Variants in TFCP2L1 observed in about 807,000 individuals in gnomAD.
The protein encoded by TFCP2L1 is transcription factor CP2-like protein 1.
TFCP2L1 carries 12 observed loss-of-function variants against 72.2 expected under a neutral mutation model. The ratio of observed to expected loss-of-function variants is 0.17; its 90% CI spans 0.11 to 0.27. The LOEUF (loss-of-function observed/expected upper bound fraction) is 0.27. Among genes scored for constraint, TFCP2L1 ranks in the 10% least tolerant of loss-of-function variants. The pLI, the probability that TFCP2L1 is intolerant of heterozygous loss-of-function variation, is 1.00. For missense variants in TFCP2L1, 488 were observed against 624.6 expected, an observed-to-expected ratio of 0.78 and a Z score of 2.33; for synonymous variants, 260 against 251.0, an observed-to-expected ratio of 1.04 and a Z score of -0.34.
chr2:121,246,531 G>C (rs375686000), intron 6 of TFCP2L1, among the ~76,000 whole-genome samples: 1 of 152,174 alleles, frequency 6.6e-6, no homozygotes, highest in Non-Finnish European at 1.5e-5. Context: ...CATTCTTATA[G>C]AGTAGCGCCG....
At chr2:121,246,208 G>A (rs1013894816) in intron 6 of TFCP2L1, among the ~76,000 whole-genome samples, 3 of 152,236 alleles carry the variant, frequency 2.0e-5, no homozygotes, top group Non-Finnish European at 4.4e-5. Context: ...GGCCACACAG[G>A]ACACTGAGCT....
chr2:121,248,366 C>T, intron 4 of TFCP2L1, 96 bp from the exon 5 acceptor site: 1 of 944,646 alleles, frequency 1.1e-6, no homozygotes, highest in South Asian at 1.8e-5. Flanking sequence ...TCCTTCGCCC[C>T]AATTTGCAAT....
intron 12 of TFCP2L1, among the ~76,000 whole-genome samples, chr2:121,232,842 G>T (rs1686172639): frequency 6.6e-6 from 1 of 152,076 alleles, no homozygotes. Flanking sequence ...CTGACACAGA[G>T]ACGGCCTGCA....
chr2:121,250,233 T>C (rs1337111929), intron 2 of TFCP2L1, among the ~76,000 whole-genome samples: 1 of 152,004 alleles, frequency 6.6e-6, no homozygotes, highest in Non-Finnish European at 1.5e-5. Context: ...CATCCATCCA[T>C]AACAACAGAA....
intron 2 of TFCP2L1, among the ~76,000 whole-genome samples, chr2:121,257,430 G>T (rs1035717182): frequency 6.6e-6 from 1 of 152,200 alleles, no homozygotes; most frequent in Admixed American, 6.5e-5. Flanking sequence ...ACACAAACGG[G>T]TGTGGAAACT....
intron 2 of TFCP2L1, among the ~76,000 whole-genome samples, chr2:121,255,232 G>A (rs1037153285): frequency 2.0e-5 from 3 of 152,190 alleles, no homozygotes; most frequent in South Asian, 2.1e-4. Flanking sequence ...AAAGTGTGCC[G>A]AATGTTGTAC....
At chr2:121,251,793 A>G (rs898913506) in intron 2 of TFCP2L1, among the ~76,000 whole-genome samples, 1 of 152,220 alleles carries the variant, frequency 6.6e-6, no homozygotes, top group South Asian at 2.1e-4. Flanking sequence ...GATAAATACA[A>G]TTCTCATTAG....
At chr2:121,245,597 C>T (rs950984910) in intron 6 of TFCP2L1, among the ~76,000 whole-genome samples, 1 of 152,210 alleles carries the variant, frequency 6.6e-6, no homozygotes, top group East Asian at 1.9e-4. Flanking sequence ...GGCCTCAGAA[C>T]CCTGTGCCCA....
chr2:121,240,362 G>A, intron 7 of TFCP2L1: 7 of 985,398 alleles, frequency 7.1e-6, no homozygotes, highest in Non-Finnish European at 8.4e-6. Flanking sequence ...AGTCTATCCA[G>A]CTGAAAAAGT....
intron 11 of TFCP2L1, among the ~76,000 whole-genome samples, chr2:121,234,768 C>T (rs950730618): frequency 1.3e-5 from 2 of 152,250 alleles, no homozygotes; most frequent in Non-Finnish European, 2.9e-5. Context: ...GGCTGCAGAA[C>T]GTCTCTGCCA....
At chr2:121,263,141 A>G (rs1015629247) in intron 2 of TFCP2L1, among the ~76,000 whole-genome samples, 4 of 152,100 alleles carry the variant, frequency 2.6e-5, no homozygotes, top group African/African-American at 9.7e-5. Context: ...CTCCACGTTG[A>G]TCAGGCTGGT....
rs1687344936 is a variant in TFCP2L1 at position 121,285,188 on chromosome 2, T to C, written c.-79A>G. ...GCGCGCCGAGGACCCAGCGGCGGCT[T>C]CGCGCTCCGAACCCGCGGTGCCGGC... is the stretch of plus-strand genomic sequence containing the variant. On this transcript the variant is annotated 5_prime_UTR_variant, in exon 1 of 15. Transcript: ENST00000263707. 1.6e-6 allele frequency: 2 copies of C among 1,267,692 alleles called. No homozygotes were observed. The highest frequency in any genetic ancestry group is 4.1e-5 in the Admixed American group (1 of 24,288). 78.5% of individuals were successfully genotyped at this position (1,267,692 alleles called of 1,614,324 possible). A position where few individuals can be genotyped will look rare whatever the true frequency, so the allele number is the denominator to read the frequency against.
At chr2:121,245,376 T>A (rs1243460155) in intron 6 of TFCP2L1, among the ~76,000 whole-genome samples, 2 of 152,152 alleles carry the variant, frequency 1.3e-5, no homozygotes, top group African/African-American at 4.8e-5. Flanking sequence ...CACTGGAAGA[T>A]AATAAATGCA....
intron 2 of TFCP2L1, among the ~76,000 whole-genome samples, chr2:121,271,989 TCATCCACCCTCCCTCAGAGCTG>T (rs1418595951): frequency 6.6e-6 from 1 of 152,086 alleles, no homozygotes; most frequent in Non-Finnish European, 1.5e-5. Flanking sequence ...CCACAAAGCT[TCATCCACCCTCCCTCAGAGCTG>T]CATCAGGAGT....
chr2:121,228,914 ATT>A (rs201487646), intron 13 of TFCP2L1, among the ~76,000 whole-genome samples: 2,988 of 151,010 alleles, frequency 0.02, 115 homozygotes, highest in African/African-American at 0.067. Flanking sequence ...GCATGTTTTA[ATT>A]TTTTTTTATT....
At chr2:121,249,181 T>G (rs1306223614) in intron 3 of TFCP2L1, 94 bp from the exon 4 acceptor site, 1 of 949,764 alleles carries the variant, frequency 1.1e-6, no homozygotes, top group African/African-American at 1.7e-5. Context: ...CTCCCACCTT[T>G]GAGGCCCCTC....
intron 2 of TFCP2L1, among the ~76,000 whole-genome samples, chr2:121,269,918 A>AAAAAAAAAAAAAAAAAAAAAAAAAAAAAT: frequency 2.6e-5 from 3 of 115,182 alleles, no homozygotes; most frequent in African/African-American, 1.1e-4. Flanking sequence ...AAAAAAAAAA[A>AAAAAAAAAAAAAAAAAAAAAAAAAAAAAT]ATATATATAT....
At chr2:121,252,162 C>A (rs1194084377) in intron 2 of TFCP2L1, among the ~76,000 whole-genome samples, 1 of 152,148 alleles carries the variant, frequency 6.6e-6, no homozygotes, top group African/African-American at 2.4e-5. Context: ...TATCTTCCCA[C>A]CTCAGCCTCC....
At chr2:121,238,106 T>C (rs1417883845) in intron 8 of TFCP2L1, among the ~76,000 whole-genome samples, 2 of 152,144 alleles carry the variant, frequency 1.3e-5, no homozygotes, top group Non-Finnish European at 2.9e-5. Context: ...GACACTCCTC[T>C]ACCCTGAGTC....
Sources: allele counts gnomAD v4.1 joint callset (sites outside exome capture counted in the v4.1 genomes callset), GRCh38; gene constraint gnomAD v4.1.1; transcripts MANE v1.5; gene names NCBI Gene and HGNC (gene_info 2026-07-23, HGNC 2026-07-21).